The following DNAI3 variants were observed in gnomAD, a reference collection of about 807,000 sequenced individuals.
DNAI3 encodes dynein axonemal intermediate chain 3, also known as WD repeat domain 63.
A neutral mutation model predicts 115.5 loss-of-function variants in DNAI3; 83 were observed. The ratio of observed to expected loss-of-function variants is 0.72; its 90% CI spans 0.60 to 0.86. The LOEUF is 0.86. DNAI3 is among the 40% of genes least tolerant of loss of function. DNAI3 has a pLI of 0.00. For synonymous variants in DNAI3, 320 were observed against 347.0 expected (o/e 0.92, Z 0.86); for missense variants, 1,004 against 1,075.8 (o/e 0.93, Z 0.93).
intron 16 of DNAI3, 101 bp downstream of exon 16, chr1:85,110,236 G>T: frequency 6.1e-6 from 6 of 978,544 alleles, no homozygotes; most frequent in Non-Finnish European, 9.1e-6. Context: ...CGGATCACGA[G>T]GTCAGCAGAT....
chr1:85,086,326 G>A (rs1557711668), intron 7 of DNAI3, among the ~76,000 whole-genome samples: 2 of 152,160 alleles, frequency 1.3e-5, no homozygotes. Flanking sequence ...ATATTACCAT[G>A]CCCCTCATTG....
At chr1:85,121,182 T>C (rs976002237) in intron 17 of DNAI3, among the ~76,000 whole-genome samples, 1 of 152,236 alleles carries the variant, frequency 6.6e-6, no homozygotes, top group Non-Finnish European at 1.5e-5. Context: ...TGACTGTTTC[T>C]TCCTCTTCTT....
At chr1:85,100,707 A>G (rs1418526056) in intron 13 of DNAI3, among the ~76,000 whole-genome samples, 8 of 152,200 alleles carry the variant, frequency 5.3e-5, no homozygotes, top group Non-Finnish European at 1.0e-4. Context: ...ACAATAGCAA[A>G]GACTTGGAAC....
chr1:85,070,103 A>C (rs938564061), intron 1 of DNAI3, among the ~76,000 whole-genome samples: 1 of 152,098 alleles, frequency 6.6e-6, no homozygotes, highest in Non-Finnish European at 1.5e-5. Context: ...TCTACTAAAA[A>C]TACAAAAATT....
chr1:85,109,446 A>G (rs1464938463), intron 15 of DNAI3, among the ~76,000 whole-genome samples: 1 of 152,236 alleles, frequency 6.6e-6, no homozygotes, highest in Non-Finnish European at 1.5e-5. Context: ...TGAGCTATGA[A>G]TAGTTCAAAC....
Position 85,081,439 on chromosome 1 carries a change from T to C in DNAI3, c.285+24T>C, listed in dbSNP as rs749807792. On this transcript the variant is annotated intron_variant, in intron 4 of 22. Coordinates refer to ENST00000294664, the MANE Select transcript of DNAI3 (RefSeq NM_145172.5). ...AGGTAAGCACAATATCCCTATTTAT[T>C]TTCAGTCCTACCTCAAGAAGTTCCT... 3.0e-5 allele frequency: 46 copies of C among 1,524,794 alleles called. No individual in the cohort carries two copies. In the African/African-American group the frequency reaches 5.7e-4, roughly 19 times the overall value. The allele number at this position is 1,524,794 out of a possible 1,614,324, so 94.5% of individuals were successfully genotyped here.
intron 13 of DNAI3, among the ~76,000 whole-genome samples, chr1:85,099,920 T>C (rs1261652856): frequency 4.6e-5 from 7 of 152,172 alleles, no homozygotes; most frequent in Non-Finnish European, 8.8e-5. Context: ...GCTAGCCATA[T>C]GTAGAAAGCT....
intron 18 of DNAI3, among the ~76,000 whole-genome samples, 175 bp downstream of exon 18, chr1:85,121,989 C>A (rs1656006142): frequency 6.6e-6 from 1 of 152,140 alleles, no homozygotes; most frequent in Admixed American, 6.5e-5. Context: ...CACCTGGGAA[C>A]TTGCTGAAAA....
chr1:85,063,680 G>T (rs1654008430), intron 1 of DNAI3, among the ~76,000 whole-genome samples: 2 of 152,040 alleles, frequency 1.3e-5, no homozygotes, highest in Non-Finnish European at 2.9e-5. Flanking sequence ...TGAATGATAG[G>T]GACCCATAAA....
At chr1:85,117,636 C>A (rs1210484172) in intron 16 of DNAI3, 93 bp from the exon 17 acceptor site, 1 of 1,535,674 alleles carries the variant, frequency 6.5e-7, no homozygotes, top group Admixed American at 1.8e-5. Context: ...GGGGCAAATG[C>A]AGGTGGCAAG....
In DNAI3 at chr1:85,104,598, GT is replaced by G. The variant is rs761922902; in HGVS notation, c.1553+2del. ...AACTTGTCACATGTTCAGCAGATTGGTAAGTCTTGTTTCAAACATTTCCTAA... is the reference window on the plus strand; with the variant it reads ...AACTTGTCACATGTTCAGCAGATTGGAAGTCTTGTTTCAAACATTTCCTAA... On this transcript the variant is annotated splice_donor_variant, in intron 14 of 22. Transcript: ENST00000294664. LOFTEE classifies it high-confidence loss of function. The G allele has an allele frequency of 6.2e-7, 1 of 1,613,314 alleles. No individual in the cohort carries two copies. The highest frequency in any genetic ancestry group is 8.5e-7 in the Non-Finnish European group (1 of 1,179,456).
rs542303491 is a variant in DNAI3 at position 85,084,837 on chromosome 1, A to G, written c.540+142A>G. 1,277 of 832,326 alleles carry G rather than the reference A, an allele frequency of 1.5e-3. 2 individuals carry two copies. Among genetic ancestry groups the G allele is most frequent in the Non-Finnish European group, 1.9e-3 (1,173 of 613,826 alleles). 51.6% of individuals were successfully genotyped at this position (832,326 alleles called of 1,614,324 possible). Reference sequence around the variant, plus strand: ...TGTTTTGGTTTGCTTTTATAGAAGAATGGTCATTGTCTTAAGTGGGTGTTA... The same window carrying G: ...TGTTTTGGTTTGCTTTTATAGAAGAGTGGTCATTGTCTTAAGTGGGTGTTA... On this transcript the variant is annotated intron_variant, in intron 6 of 22. Transcript: ENST00000294664.
chr1:85,108,798 A>G (rs78286401), intron 15 of DNAI3, among the ~76,000 whole-genome samples: 7,872 of 152,158 alleles, frequency 0.052, 271 homozygotes, highest in East Asian at 0.15. Flanking sequence ...AGTTATTTTG[A>G]TGCCTCTTTA....
intron 14 of DNAI3, 96 bp downstream of exon 14, chr1:85,104,693 A>G (rs548823340): frequency 4.2e-6 from 4 of 949,310 alleles, no homozygotes; most frequent in African/African-American, 1.7e-5. Context: ...CTTAATATTT[A>G]TGGTAGCAAT....
chr1:85,130,205 A>G lies in DNAI3; in HGVS notation c.2532+93A>G. The G allele has an allele frequency of 2.0e-6, 3 of 1,538,116 alleles. No individual in the cohort carries two copies. The South Asian group carries it at 3.8e-5, about 19-fold the overall frequency. On this transcript the variant is annotated intron_variant, in intron 22 of 22. Coordinates refer to ENST00000294664, the MANE Select transcript of DNAI3 (RefSeq NM_145172.5). ...AATCCACAGTTTCCATAGAAAAGTTATACTTTTTCACATTCTTCTCTTGTT... is the reference window on the plus strand; with the variant it reads ...AATCCACAGTTTCCATAGAAAAGTTGTACTTTTTCACATTCTTCTCTTGTT...
intron 1 of DNAI3, among the ~76,000 whole-genome samples, chr1:85,066,234 T>A (rs1178598400): frequency 6.6e-6 from 1 of 150,704 alleles, no homozygotes; most frequent in East Asian, 1.9e-4. Flanking sequence ...TCTAGTGGTT[T>A]GAAAACCAGT....
At position 85,093,554 on chromosome 1, in the gene DNAI3, C is replaced by T. The variant is rs371237829; in HGVS notation, c.954C>T (p.Thr318=). The T allele has an allele frequency of 8.1e-6, 13 of 1,613,966 alleles. No homozygotes were observed. Among genetic ancestry groups the T allele is most frequent in the South Asian group, 4.4e-5 (4 of 91,086 alleles). The part of the protein sequence containing the change: ...AEEEGTFGDK[T]DTHLKEYQSF... ...AAGAAGGCACCTTTGGGGACAAGACCGATACCCACCTGAAAGAGTACCAGT... is the reference window on the plus strand; with the variant it reads ...AAGAAGGCACCTTTGGGGACAAGACTGATACCCACCTGAAAGAGTACCAGT... The change falls in exon 9 of 23, where the codon ACC becomes ACT. Residue 318 remains threonine (T), a synonymous_variant. Coordinates refer to ENST00000294664, the MANE Select transcript of DNAI3 (RefSeq NM_145172.5).
At chr1:85,072,953 T>C in intron 2 of DNAI3, 101 bp from the exon 3 acceptor site, 2 of 404,020 alleles carry the variant, frequency 5.0e-6, no homozygotes, top group Admixed American at 1.1e-4. Context: ...AGACTCCGTC[T>C]CAAAAAAAAA....
At chr1:85,092,465 T>C (rs1471286740) in intron 8 of DNAI3, among the ~76,000 whole-genome samples, 1 of 152,158 alleles carries the variant, frequency 6.6e-6, no homozygotes, top group Non-Finnish European at 1.5e-5. Flanking sequence ...CCAAGAAGTT[T>C]ACAGTTTTGA....
Sources: gnomAD v4.1 joint callset for allele counts (sites outside exome capture counted in the v4.1 genomes callset) on GRCh38, gnomAD v4.1.1 for gene constraint, MANE v1.5 for transcripts, NCBI Gene and HGNC (gene_info 2026-07-23, HGNC 2026-07-21) for gene names.